The following PPM1L variants were observed in gnomAD, a reference collection of about 807,000 sequenced individuals.
The protein encoded by PPM1L is protein phosphatase, Mg2+/Mn2+ dependent 1L.
PPM1L carries 13 observed loss-of-function variants against 31.4 expected under a neutral mutation model. The observed-to-expected ratio is 0.41, with a 90% confidence interval of 0.27 to 0.66. The LOEUF (loss-of-function observed/expected upper bound fraction) is 0.66, where lower values mean the gene tolerates loss of function less well. PPM1L is among the 30% of genes least tolerant of loss of function. The pLI, the probability that PPM1L is intolerant of heterozygous loss-of-function variation, is 0.29. For synonymous variants in PPM1L, 184 were observed against 175.4 expected (o/e 1.05, Z -0.39); for missense variants, 326 against 453.7 (o/e 0.72, Z 2.56).
intron 1 of PPM1L, among the ~76,000 whole-genome samples, chr3:160,824,310 T>A (rs1713292952): frequency 6.6e-6 from 1 of 152,298 alleles, no homozygotes; most frequent in South Asian, 2.1e-4. Flanking sequence ...GATCTTGGAC[T>A]TCCAGCCACT....
chr3:160,797,921 T>A (rs7630250), intron 1 of PPM1L, among the ~76,000 whole-genome samples: 61,928 of 151,686 alleles, frequency 0.41, 14,203 homozygotes, highest in African/African-American at 0.62. Flanking sequence ...GGCTCACGCC[T>A]GTAATCCCAG....
rs1491553702 is a variant in PPM1L at position 160,786,208 on chromosome 3, T to TATATATA, written c.399+29501_399+29502insATATATA. ...GTGTGTATATATATATATATATATA[T>TATATATA]TTTTTTTTTTTTTTTTTTTTTTTTT... On this transcript the variant is annotated intron_variant, in intron 1 of 3. Coordinates refer to ENST00000498165, the MANE Select transcript of PPM1L (RefSeq NM_139245.4). Among the ~76,000 whole-genome samples, 5 of 30,472 alleles carry TATATATA rather than the reference T, an allele frequency of 1.6e-4. No individual in the cohort carries two copies. In the African/African-American group the frequency reaches 1.7e-3, roughly 10 times the overall value. 20.0% of individuals were successfully genotyped at this position (30,472 alleles called of 152,430 possible).
At chr3:160,961,705 A>T in intron 1 of PPM1L, 31 bp from the exon 2 acceptor site, 4 of 1,550,492 alleles carry the variant, frequency 2.6e-6, no homozygotes, top group Non-Finnish European at 3.5e-6. Context: ...TTTCTAATGG[A>T]GTTCTCTCTC....
intron 1 of PPM1L, among the ~76,000 whole-genome samples, chr3:160,867,287 A>T (rs1168950453): frequency 6.8e-6 from 1 of 147,902 alleles, no homozygotes; most frequent in Non-Finnish European, 1.5e-5. Context: ...TTAAAATCAG[A>T]TTCACATTTA....
chr3:160,920,834 G>A (rs758418823), intron 1 of PPM1L, among the ~76,000 whole-genome samples: 1 of 152,110 alleles, frequency 6.6e-6, no homozygotes, highest in Non-Finnish European at 1.5e-5. Flanking sequence ...CAATTGTAGT[G>A]TGAAATTTAG....
intron 1 of PPM1L, among the ~76,000 whole-genome samples, chr3:160,849,466 T>G (rs1263456865): frequency 6.6e-6 from 1 of 151,668 alleles, no homozygotes; most frequent in Non-Finnish European, 1.5e-5. Flanking sequence ...CAGGCTGGAG[T>G]GCAGTGACAC....
intron 2 of PPM1L, among the ~76,000 whole-genome samples, chr3:160,971,566 G>C (rs1219284371): frequency 3.3e-5 from 5 of 152,200 alleles, no homozygotes; most frequent in Non-Finnish European, 7.3e-5. Context: ...TTTGGAATTG[G>C]TAAAGAGTTC....
chr3:161,049,309 C>CAA (rs111321374), intron 2 of PPM1L, among the ~76,000 whole-genome samples: 2 of 151,598 alleles, frequency 1.3e-5, no homozygotes, highest in South Asian at 4.2e-4. Flanking sequence ...CAAAACAAAA[C>CAA]AAAAAAACCC....
chr3:160,991,940 G>C (rs945629594), intron 2 of PPM1L, among the ~76,000 whole-genome samples: 4 of 152,188 alleles, frequency 2.6e-5, no homozygotes, highest in African/African-American at 9.7e-5. Context: ...CTATGTGCTA[G>C]ATGCTGTTCC....
chr3:161,057,143 A>G (rs1484747715), intron 2 of PPM1L, among the ~76,000 whole-genome samples: 2 of 152,144 alleles, frequency 1.3e-5, no homozygotes, highest in African/African-American at 4.8e-5. Flanking sequence ...GGGTCAAAGA[A>G]TCATAAATAA....
intron 2 of PPM1L, among the ~76,000 whole-genome samples, chr3:161,046,858 A>G (rs1331354398): frequency 6.6e-6 from 1 of 152,218 alleles, no homozygotes; most frequent in Non-Finnish European, 1.5e-5. Flanking sequence ...ATCTCAATGG[A>G]TGCAGAAAAG....
rs374621303 is a variant in PPM1L, at chr3:161,020,256, C to T, written c.575-45147C>T. Among the ~76,000 whole-genome samples, 128 of 151,758 alleles carry T rather than the reference C, an allele frequency of 8.4e-4. 2 individuals are homozygous for T. In the South Asian group the frequency reaches 0.024, roughly 28 times the overall value. ...TTTAAGTCCTGAACCCTCGTGTAGG[C>T]AAATTGGTTATTTATTTCTACACCA... On this transcript the variant is annotated intron_variant, in intron 2 of 3. Coordinates refer to ENST00000498165, the MANE Select transcript of PPM1L (RefSeq NM_139245.4).
chr3:160,869,731 T>C (rs1419371432), intron 1 of PPM1L, among the ~76,000 whole-genome samples: 1 of 151,836 alleles, frequency 6.6e-6, no homozygotes, highest in Non-Finnish European at 1.5e-5. Context: ...TGTGTGTGTG[T>C]GTGTGTGTGT....
At chr3:160,808,059 CTT>C (rs34008530) in intron 1 of PPM1L, among the ~76,000 whole-genome samples, 2 of 152,132 alleles carry the variant, frequency 1.3e-5, no homozygotes, top group Non-Finnish European at 2.9e-5. Flanking sequence ...TGGAAAATCT[CTT>C]TTAGTTAATC....
chr3:160,907,139 C>T (rs1439874944), intron 1 of PPM1L, among the ~76,000 whole-genome samples: 1 of 152,124 alleles, frequency 6.6e-6, no homozygotes, highest in Non-Finnish European at 1.5e-5. Flanking sequence ...ATGATACATA[C>T]TTTAAAGCAA....
At chr3:160,872,121 A>G (rs1246361727) in intron 1 of PPM1L, among the ~76,000 whole-genome samples, 1 of 152,144 alleles carries the variant, frequency 6.6e-6, no homozygotes, top group Non-Finnish European at 1.5e-5. Flanking sequence ...CACTGTAGCT[A>G]ACAGCTGGCA....
chr3:160,908,941 A>G lies in PPM1L; in HGVS notation c.400-52795A>G, dbSNP rs528975627. ...GGCACAACTCAATAAAAATACAAATATGAAGGTGGGGTAAGAATTATTCAA... is the reference window on the plus strand; with the variant it reads ...GGCACAACTCAATAAAAATACAAATGTGAAGGTGGGGTAAGAATTATTCAA... On this transcript the variant is annotated intron_variant, in intron 1 of 3. Transcript: ENST00000498165. 2.6e-5 allele frequency among the ~76,000 whole-genome samples: 4 copies of G among 152,276 alleles called. No homozygotes were observed. In the South Asian group the frequency reaches 8.3e-4, roughly 32 times the overall value.
chr3:160,822,228 A>G (rs530537124), intron 1 of PPM1L, among the ~76,000 whole-genome samples: 2 of 152,088 alleles, frequency 1.3e-5, no homozygotes, highest in South Asian at 4.1e-4. Flanking sequence ...CTTCTTGGCA[A>G]ATCACCAAAT....
intron 2 of PPM1L, among the ~76,000 whole-genome samples, chr3:161,017,668 C>A (rs1330577497): frequency 6.6e-6 from 1 of 152,050 alleles, no homozygotes; most frequent in Non-Finnish European, 1.5e-5. Flanking sequence ...TCATTTAAAC[C>A]CTCTTCCATA....
Sources: gnomAD v4.1 joint callset for allele counts (sites outside exome capture counted in the v4.1 genomes callset) on GRCh38, gnomAD v4.1.1 for gene constraint, MANE v1.5 for transcripts, NCBI Gene and HGNC (gene_info 2026-07-23, HGNC 2026-07-21) for gene names.